Variants in ITPR1 observed in about 807,000 individuals in gnomAD.
The protein encoded by ITPR1 is inositol 1,4,5-trisphosphate-gated calcium channel ITPR1.
ITPR1 carries 96 observed loss-of-function variants against 318.4 expected under a neutral mutation model. That is an observed-to-expected ratio of 0.30 (90% CI 0.26 to 0.36). The LOEUF (loss-of-function observed/expected upper bound fraction) is 0.36, where lower values mean the gene tolerates loss of function less well. ITPR1 is among the 10% of genes least tolerant of loss of function. ITPR1 has a pLI of 1.00. For synonymous variants in ITPR1, 1,312 were observed against 1,289.9 expected, an observed-to-expected ratio of 1.02 and a Z score of -0.37; for missense variants, 2,440 against 3,460.2, an observed-to-expected ratio of 0.71 and a Z score of 7.40.
At chr3:4,748,099 ATAG>A (rs2044238430) in intron 44 of ITPR1, among the ~76,000 whole-genome samples, 1 of 152,242 alleles carries the variant, frequency 6.6e-6, no homozygotes, top group Non-Finnish European at 1.5e-5. Flanking sequence ...GCTACATGGA[ATAG>A]TCCCAATTGC....
intron 58 of ITPR1, 132 bp from the exon 59 acceptor site, chr3:4,814,921 T>C: frequency 1.3e-6 from 1 of 766,306 alleles, no homozygotes. Flanking sequence ...GATGCAGTTT[T>C]CAGTTTAAAA....
At chr3:4,644,025 TA>T (rs2093398478) in intron 7 of ITPR1, 110 bp from the exon 8 acceptor site, 2 of 698,758 alleles carry the variant, frequency 2.9e-6, no homozygotes, top group African/African-American at 3.5e-5. Context: ...TTGCTGGGGA[TA>T]GGCCTTGCCT....
At chr3:4,645,932 T>G in intron 10 of ITPR1, 1 of 520,166 alleles carries the variant, frequency 1.9e-6, no homozygotes. Flanking sequence ...ACCCACCTTA[T>G]TCCAAAAATG....
chr3:4,791,420 C>T (rs912778521), intron 52 of ITPR1, among the ~76,000 whole-genome samples: 1 of 152,162 alleles, frequency 6.6e-6, no homozygotes, highest in Non-Finnish European at 1.5e-5. Context: ...AGTGTGCAGC[C>T]TCCTAGATCC....
intron 4 of ITPR1, among the ~76,000 whole-genome samples, chr3:4,560,754 T>C (rs1264389118): frequency 6.6e-6 from 1 of 152,218 alleles, no homozygotes; most frequent in East Asian, 1.9e-4. Flanking sequence ...CCTCTGCCAC[T>C]TAATCTATCC....
At chr3:4,623,062 T>G (rs2092699771) in intron 4 of ITPR1, among the ~76,000 whole-genome samples, 1 of 152,208 alleles carries the variant, frequency 6.6e-6, no homozygotes, top group South Asian at 2.1e-4. Flanking sequence ...GTCGGCTGAC[T>G]TTTTTGCTTT....
intron 22 of ITPR1, 42 bp downstream of exon 22, chr3:4,674,385 C>T (rs2094144972): frequency 6.5e-7 from 1 of 1,530,212 alleles, no homozygotes. Flanking sequence ...ATCTGCCTCT[C>T]AGTGGTCATT....
rs375223250 is a variant in ITPR1 at position 4,693,711 on chromosome 3, C to T, written c.4251C>T (p.Arg1417=). ...TGCTCCCGCTGGATGACATCGTTCG[C>T]GTGGTGACCCACGAGGACTGCATCC... ...NSLLPLDDIV[R]VVTHEDCIPE... The change falls in exon 33 of 62, where the codon CGC becomes CGT. Residue 1417 remains arginine, a synonymous_variant. Transcript: ENST00000649015. The T allele has an allele frequency of 6.6e-5, 107 of 1,613,410 alleles. No individual in the cohort carries two copies. The South Asian group carries it at 1.1e-3, about 17-fold the overall frequency.
At chr3:4,814,956 C>T in intron 58 of ITPR1, 97 bp from the exon 59 acceptor site, 1 of 1,002,988 alleles carries the variant, frequency 1.0e-6, no homozygotes, top group Non-Finnish European at 1.5e-6. Context: ...TTAATTTCTA[C>T]CCAAGTAGAT....
At chr3:4,681,592 G>GGAGAGAGAGAGTGA (rs1553690345) in intron 26 of ITPR1, among the ~76,000 whole-genome samples, 174 bp downstream of exon 26, 2 of 141,832 alleles carry the variant, frequency 1.4e-5, no homozygotes, top group Non-Finnish European at 3.0e-5. Flanking sequence ...TTGATTGGGA[G>GGAGAGAGAGAGTGA]GAGAGAGAGA....
chr3:4,790,933 C>A (rs973125799), intron 52 of ITPR1, among the ~76,000 whole-genome samples: 6 of 152,128 alleles, frequency 3.9e-5, no homozygotes, highest in African/African-American at 1.4e-4. Context: ...AAGATCCTAT[C>A]CCCAGTGAAG....
intron 4 of ITPR1, among the ~76,000 whole-genome samples, chr3:4,561,059 T>C (rs548314953): frequency 8.5e-4 from 129 of 152,288 alleles, no homozygotes; most frequent in African/African-American, 3.1e-3. Context: ...AGGAGGAGAA[T>C]CTTGGGTTTA....
chr3:4,733,375 A>G (rs377239231), intron 43 of ITPR1, among the ~76,000 whole-genome samples, 155 bp downstream of exon 43: 1 of 152,144 alleles, frequency 6.6e-6, no homozygotes, highest in East Asian at 1.9e-4. Context: ...TCTACCATCA[A>G]ATTGATGCCT....
At chr3:4,787,865 C>A in intron 51 of ITPR1, 82 bp from the exon 52 acceptor site, 1 of 944,282 alleles carries the variant, frequency 1.1e-6, no homozygotes, top group South Asian at 1.6e-5. Context: ...ATCTTGACCA[C>A]CGAGTCTACC....
At chr3:4,728,396 G>A (rs969958417) in intron 42 of ITPR1, among the ~76,000 whole-genome samples, 2 of 152,186 alleles carry the variant, frequency 1.3e-5, no homozygotes, top group Non-Finnish European at 2.9e-5. Context: ...AAAATGACCT[G>A]TCATTATGAA....
chr3:4,541,444 A>AT (rs954221635), intron 4 of ITPR1, among the ~76,000 whole-genome samples: 4 of 150,092 alleles, frequency 2.7e-5, no homozygotes, highest in Non-Finnish European at 5.9e-5. Flanking sequence ...CTTGCTCAGT[A>AT]TTTTTTTTTC....
intron 52 of ITPR1, among the ~76,000 whole-genome samples, chr3:4,792,490 T>G (rs958548317): frequency 3.3e-5 from 5 of 152,120 alleles, no homozygotes; most frequent in Non-Finnish European, 7.4e-5. Flanking sequence ...CTGGCTCAGG[T>G]CTCTCATGGG....
chr3:4,615,847 G>A (rs2125107706), intron 4 of ITPR1, among the ~76,000 whole-genome samples: 1 of 152,298 alleles, frequency 6.6e-6, no homozygotes, highest in African/African-American at 2.4e-5. Flanking sequence ...CCTGCAAGCA[G>A]GAGAGGTGGT....
chr3:4,567,111 A>G (rs543029865), intron 4 of ITPR1, among the ~76,000 whole-genome samples: 1 of 152,314 alleles, frequency 6.6e-6, no homozygotes, highest in East Asian at 1.9e-4. Flanking sequence ...GAATGTTGTG[A>G]GAGTTAAACA....
Sources: gnomAD v4.1 joint callset for allele counts (sites outside exome capture counted in the v4.1 genomes callset) on GRCh38, gnomAD v4.1.1 for gene constraint, MANE v1.5 for transcripts, NCBI Gene and HGNC (gene_info 2026-07-23, HGNC 2026-07-21) for gene names.